NOL4: variants seen among roughly 807,000 people sequenced by gnomAD.
NOL4 encodes nucleolar protein 4, also known as cancer/testis antigen 125.
Under a neutral mutation model 75.9 loss-of-function variants are expected in NOL4, and 17 were observed. The observed-to-expected ratio is 0.22, with a 90% CI of 0.15 to 0.34. The LOEUF is 0.34. Ranked by LOEUF, NOL4 falls within the 10% of genes least tolerant of loss-of-function variation. The pLI is 1.00. For missense variants in NOL4, 614 were observed against 793.5 expected, an observed-to-expected ratio of 0.77 and a Z score of 2.72; for synonymous variants, 292 against 289.9, an observed-to-expected ratio of 1.01 and a Z score of -0.07.
At chr18:33,921,221 G>A (rs2067017583) in intron 9 of NOL4, among the ~76,000 whole-genome samples, 1 of 152,056 alleles carries the variant, frequency 6.6e-6, no homozygotes, top group Non-Finnish European at 1.5e-5. Flanking sequence ...TACTCACACT[G>A]GATTGAGATG....
At chr18:33,996,492 C>T (rs2073295477) in intron 6 of NOL4, among the ~76,000 whole-genome samples, 1 of 151,670 alleles carries the variant, frequency 6.6e-6, no homozygotes, top group Non-Finnish European at 1.5e-5. Context: ...TTGCATGATG[C>T]TAAGGTTTGA....
chr18:34,115,327 C>T (rs2079802156), intron 2 of NOL4, among the ~76,000 whole-genome samples: 1 of 152,098 alleles, frequency 6.6e-6, no homozygotes, highest in South Asian at 2.1e-4. Context: ...TCCACCATGG[C>T]CAGGCACGTC....
chr18:34,116,194 A>G (rs1016578815), intron 2 of NOL4, among the ~76,000 whole-genome samples: 1 of 152,150 alleles, frequency 6.6e-6, no homozygotes, highest in Non-Finnish European at 1.5e-5. Flanking sequence ...CAATAACAGC[A>G]CAACATTAGT....
At chr18:34,127,776 C>T (rs567069274) in intron 2 of NOL4, among the ~76,000 whole-genome samples, 2 of 151,842 alleles carry the variant, frequency 1.3e-5, no homozygotes, top group South Asian at 4.1e-4. Flanking sequence ...ATTATTACTG[C>T]ATAAAAAGGA....
rs1599765982 is a variant in NOL4, at chr18:33,891,407, A to T, written c.1543-7983T>A. The stretch of plus-strand genomic sequence containing the variant: ...TCACCACAAATAAAGCATTATGAAA[A>T]CTACCAAGGTGCAAAGTATTCTTTC... On this transcript the variant is annotated intron_variant, in intron 9 of 10. Transcript: ENST00000261592. Among the ~76,000 whole-genome samples, 8 of 152,254 alleles carry T rather than the reference A, an allele frequency of 5.3e-5. 2 individuals carry two copies. The highest frequency in any genetic ancestry group is 5.2e-4 in the Admixed American group (8 of 15,272).
Position 34,098,057 on chromosome 18 carries a change from T to A in NOL4, c.640-4460A>T, listed in dbSNP as rs200032093. On this transcript the variant is annotated intron_variant, in intron 4 of 10. Transcript: ENST00000261592. ...GTTAATAAAGGAGGTTGGGGTTTTT[T>A]TTATGGATATTGACCATGTAGTGGA... Among the ~76,000 whole-genome samples the A allele has an allele frequency of 4.6e-5, 7 of 152,324 alleles. No homozygotes were observed. The East Asian group carries it at 1.4e-3, about 29-fold the overall frequency.
intron 1 of NOL4, among the ~76,000 whole-genome samples, chr18:34,172,238 A>G (rs1314253257): frequency 6.6e-6 from 1 of 152,158 alleles, no homozygotes; most frequent in Non-Finnish European, 1.5e-5. Context: ...ATTTTTGGAT[A>G]ACTACATCAA....
At chr18:34,116,839 T>C (rs2079883329) in intron 2 of NOL4, among the ~76,000 whole-genome samples, 1 of 152,194 alleles carries the variant, frequency 6.6e-6, no homozygotes, top group South Asian at 2.1e-4. Flanking sequence ...TTTTAAAACA[T>C]GGAGAATTTG....
chr18:34,024,192 AAAAT>A (rs1453116873), intron 5 of NOL4, among the ~76,000 whole-genome samples: 768 of 76,166 alleles, frequency 0.01, 37 homozygotes, highest in Non-Finnish European at 0.014. Context: ...AAAAAAAAAA[AAAAT>A]ATATATATAT....
intron 6 of NOL4, among the ~76,000 whole-genome samples, chr18:33,996,106 G>T (rs1170735529): frequency 6.6e-6 from 1 of 151,678 alleles, no homozygotes; most frequent in Non-Finnish European, 1.5e-5. Flanking sequence ...TCAGAATAAA[G>T]ACAAGGATGC....
chr18:34,084,402 G>C (rs1271850881), intron 5 of NOL4, among the ~76,000 whole-genome samples: 8 of 152,128 alleles, frequency 5.3e-5, no homozygotes, highest in Admixed American at 5.2e-4. Context: ...CGCCCGTCGA[G>C]GATAAGGAAA....
chr18:34,137,302 A>T (rs1339665116), intron 1 of NOL4, among the ~76,000 whole-genome samples: 1 of 152,194 alleles, frequency 6.6e-6, no homozygotes, highest in East Asian at 1.9e-4. Context: ...CTACAAAAAT[A>T]TTTAAAATGT....
chr18:34,003,773 A>C (rs1189248147), intron 6 of NOL4, among the ~76,000 whole-genome samples: 1 of 152,042 alleles, frequency 6.6e-6, no homozygotes, highest in African/African-American at 2.4e-5. Context: ...TAAACTAAAA[A>C]TAAAATTCTA....
chr18:33,869,124 T>C (rs2063572597), intron 10 of NOL4, among the ~76,000 whole-genome samples: 1 of 151,862 alleles, frequency 6.6e-6, no homozygotes, highest in Non-Finnish European at 1.5e-5. Flanking sequence ...CCTCAAATTT[T>C]ACTGTAAGTA....
chr18:34,002,412 C>G (rs1054119301), intron 6 of NOL4, among the ~76,000 whole-genome samples: 4 of 152,162 alleles, frequency 2.6e-5, no homozygotes, highest in Admixed American at 2.6e-4. Context: ...CTAGCTCCTA[C>G]GCATTCTTTA....
chr18:33,960,005 G>T (rs2069976325), intron 6 of NOL4, among the ~76,000 whole-genome samples: 1 of 151,644 alleles, frequency 6.6e-6, no homozygotes, highest in Admixed American at 6.6e-5. Context: ...AATATGCATT[G>T]GTTTATGTAC....
intron 9 of NOL4, among the ~76,000 whole-genome samples, chr18:33,923,776 T>C (rs2067171870): frequency 6.6e-6 from 1 of 152,120 alleles, no homozygotes; most frequent in South Asian, 2.1e-4. Flanking sequence ...AGAACAAAAA[T>C]TATTTACTAA....
intron 6 of NOL4, among the ~76,000 whole-genome samples, chr18:33,969,439 T>C (rs983353621): frequency 1.3e-5 from 2 of 152,170 alleles, no homozygotes; most frequent in African/African-American, 4.8e-5. Context: ...AACAAAATGA[T>C]GTAGGCTTCT....
intron 2 of NOL4, among the ~76,000 whole-genome samples, chr18:34,110,929 A>C (rs1337075917): frequency 6.6e-6 from 1 of 152,160 alleles, no homozygotes; most frequent in Non-Finnish European, 1.5e-5. Flanking sequence ...GTCATTTAAA[A>C]TAGCATCAAA....
Sources: allele counts gnomAD v4.1 joint callset (sites outside exome capture counted in the v4.1 genomes callset), GRCh38; gene constraint gnomAD v4.1.1; transcripts MANE v1.5; gene names NCBI Gene and HGNC (gene_info 2026-07-23, HGNC 2026-07-21).